The following FER variants were observed in gnomAD, a reference collection of about 807,000 sequenced individuals.
FER encodes the protein FER tyrosine kinase.
In FER, 63 loss-of-function variants were observed where a neutral mutation model predicts 111.0. The ratio of observed to expected loss-of-function variants is 0.57; its 90% CI spans 0.46 to 0.70. The LOEUF is 0.70. Among genes scored for constraint, FER ranks in the 30% least tolerant of loss-of-function variants. FER has a pLI of 0.00. For synonymous variants in FER, 327 were observed against 313.9 expected, an observed-to-expected ratio of 1.04 and a Z score of -0.44; for missense variants, 914 against 954.0, an observed-to-expected ratio of 0.96 and a Z score of 0.55.
chr5:109,005,001 G>A (rs992576535), intron 13 of FER, among the ~76,000 whole-genome samples: 42 of 151,904 alleles, frequency 2.8e-4, no homozygotes, highest in African/African-American at 1.0e-3. Flanking sequence ...GACTAGGGAT[G>A]GCTGATTTCT....
chr5:108,938,276 G>T (rs1561648024), intron 10 of FER, among the ~76,000 whole-genome samples: 1 of 151,906 alleles, frequency 6.6e-6, no homozygotes, highest in Non-Finnish European at 1.5e-5. Flanking sequence ...AATAGGTAGA[G>T]AATTTTATAG....
At chr5:109,105,455 C>G (rs973131343) in intron 17 of FER, among the ~76,000 whole-genome samples, 2 of 151,466 alleles carry the variant, frequency 1.3e-5, no homozygotes, top group Non-Finnish European at 2.9e-5. Context: ...CTTGGTGCAC[C>G]TTCAAATCAT....
chr5:108,947,406 G>C (rs1336936943), intron 11 of FER, among the ~76,000 whole-genome samples: 1 of 151,970 alleles, frequency 6.6e-6, no homozygotes, highest in Admixed American at 6.6e-5. Context: ...TGGGCGTGAA[G>C]TAGTATCTTA....
intron 11 of FER, among the ~76,000 whole-genome samples, chr5:108,950,615 A>G (rs953927071): frequency 4.6e-5 from 7 of 152,196 alleles, no homozygotes; most frequent in Admixed American, 4.6e-4. Flanking sequence ...AATATTCGGA[A>G]TATCTTATTT....
At chr5:108,751,164 C>T (rs946384977) in intron 1 of FER, among the ~76,000 whole-genome samples, 3 of 151,982 alleles carry the variant, frequency 2.0e-5, no homozygotes, top group Admixed American at 2.0e-4. Flanking sequence ...TGCACTCCAG[C>T]CTAGGTAACA....
intron 9 of FER, among the ~76,000 whole-genome samples, chr5:108,891,123 A>C (rs1747974911): frequency 6.6e-6 from 1 of 152,100 alleles, no homozygotes; most frequent in Non-Finnish European, 1.5e-5. Flanking sequence ...TCCCTAATGA[A>C]TGATGTTCTG....
intron 5 of FER, among the ~76,000 whole-genome samples, chr5:108,845,409 C>T (rs1475932761): frequency 6.6e-6 from 1 of 151,942 alleles, no homozygotes; most frequent in African/African-American, 2.4e-5. Context: ...TCTTGAACTC[C>T]TGACCTCAAG....
intron 10 of FER, among the ~76,000 whole-genome samples, chr5:108,933,853 T>G (rs1451646924): frequency 6.6e-6 from 1 of 152,184 alleles, no homozygotes; most frequent in African/African-American, 2.4e-5. Context: ...GATATTTTAT[T>G]CTCTCTGTAG....
intron 3 of FER, among the ~76,000 whole-genome samples, chr5:108,808,650 G>C (rs985860470): frequency 2.6e-5 from 4 of 152,060 alleles, no homozygotes; most frequent in Non-Finnish European, 5.9e-5. Context: ...GAAGTCATTA[G>C]ATGATTACTT....
At chr5:108,911,832 T>C (rs1477764493) in intron 10 of FER, among the ~76,000 whole-genome samples, 1 of 152,158 alleles carries the variant, frequency 6.6e-6, no homozygotes, top group African/African-American at 2.4e-5. Context: ...TGTCTATATT[T>C]GTACAAGTAT....
At chr5:109,039,412 C>G (rs913181348) in intron 14 of FER, among the ~76,000 whole-genome samples, 1 of 151,984 alleles carries the variant, frequency 6.6e-6, no homozygotes, top group Non-Finnish European at 1.5e-5. Flanking sequence ...CTTTCTCTTA[C>G]GGAGCTTAAT....
At chr5:108,803,363 T>C (rs62363277) in intron 3 of FER, among the ~76,000 whole-genome samples, 29,480 of 152,158 alleles carry the variant, frequency 0.19, 3,102 homozygotes, top group African/African-American at 0.28. Flanking sequence ...ATTTTCATTT[T>C]TGTTGCAATT....
At chr5:109,043,244 C>T (rs1436455858) in intron 14 of FER, among the ~76,000 whole-genome samples, 1 of 152,134 alleles carries the variant, frequency 6.6e-6, no homozygotes, top group East Asian at 1.9e-4. Context: ...AGTGGAGGCC[C>T]AGCAGTAATC....
intron 10 of FER, among the ~76,000 whole-genome samples, chr5:108,906,220 ATAT>A (rs1750740532): frequency 6.6e-6 from 1 of 152,212 alleles, no homozygotes; most frequent in Non-Finnish European, 1.5e-5. Context: ...GTATTGTCTA[ATAT>A]TTGATTATTT....
Position 109,118,892 on chromosome 5 carries a change from GTCTTT to G in FER, c.2048+18379_2048+18383del, listed in dbSNP as rs1750610202. Among the ~76,000 whole-genome samples, 3 of 150,334 alleles carry G rather than the reference GTCTTT, an allele frequency of 2.0e-5. No individual in the cohort carries two copies. In the South Asian group the frequency reaches 6.4e-4, roughly 32 times the overall value. The stretch of plus-strand genomic sequence containing the variant: ...TTTATTGCATCTATTTGATTCTTCT[GTCTTT>G]TCTTTATTAGTCTTGCTAGCGGTCT... On this transcript the variant is annotated intron_variant, in intron 17 of 19. Coordinates refer to ENST00000281092, the MANE Select transcript of FER (RefSeq NM_005246.4).
At chr5:108,862,420 C>T (rs774918347) in intron 5 of FER, among the ~76,000 whole-genome samples, 28 of 152,058 alleles carry the variant, frequency 1.8e-4, no homozygotes, top group Non-Finnish European at 3.5e-4. Flanking sequence ...GTTTAAATAT[C>T]TGTGCAAATG....
At chr5:108,997,241 T>TA (rs777216661) in intron 13 of FER, among the ~76,000 whole-genome samples, 70,045 of 133,148 alleles carry the variant, frequency 0.53, 20,450 homozygotes, top group African/African-American at 0.81. Flanking sequence ...CCGTCTCTAC[T>TA]AAAAAAAAAA....
chr5:108,795,394 CTT>C (rs1380392302), intron 2 of FER, among the ~76,000 whole-genome samples: 11 of 114,580 alleles, frequency 9.6e-5, no homozygotes, highest in African/African-American at 1.0e-4. Context: ...TTTTTGTTTT[CTT>C]TTTTTTTTTT....
chr5:108,864,083 T>C (rs537239620), intron 5 of FER, among the ~76,000 whole-genome samples: 128 of 152,318 alleles, frequency 8.4e-4, no homozygotes, highest in Middle Eastern at 3.4e-3. Flanking sequence ...AAATAGATTA[T>C]CTGGGTAACA....
Sources: allele counts gnomAD v4.1 joint callset (sites outside exome capture counted in the v4.1 genomes callset), GRCh38; gene constraint gnomAD v4.1.1; transcripts MANE v1.5; gene names NCBI Gene and HGNC (gene_info 2026-07-23, HGNC 2026-07-21).